CLUL1: variants seen among roughly 807,000 people sequenced by gnomAD.
CLUL1 encodes the protein clusterin like 1.
CLUL1 carries 43 observed loss-of-function variants against 49.4 expected under a neutral mutation model. The observed-to-expected ratio is 0.87, with a 90% CI of 0.68 to 1.12. The LOEUF (loss-of-function observed/expected upper bound fraction) is 1.12, where lower values mean the gene tolerates loss of function less well. CLUL1 is among the 50% of genes most tolerant of loss of function. The pLI, the probability that CLUL1 is intolerant of heterozygous loss-of-function variation, is 0.00. For missense variants in CLUL1, 486 were observed against 544.4 expected (o/e 0.89, Z 1.07); for synonymous variants, 192 against 184.9 (o/e 1.04, Z -0.31).
In CLUL1 at chr18:606,803, C is replaced by T. The variant is rs960968292; in HGVS notation, c.-135-175C>T. Among the ~76,000 whole-genome samples, 1 of 152,096 alleles carries T rather than the reference C, an allele frequency of 6.6e-6. No homozygotes were observed. The highest frequency in any genetic ancestry group is 6.5e-5 in the Admixed American group (1 of 15,276). On this transcript the variant is annotated intron_variant, in intron 1 of 9. Coordinates refer to ENST00000692774, the MANE Select transcript of CLUL1 (RefSeq NM_001393344.1). The surrounding 1 kb of genome is among the most constrained non-coding windows in gnomAD (Gnocchi z 4.1). ...AAATAAACGTGAGATATGATTCTCC[C>T]GGAGTGTTTAGAGCAGGAATGTTCT...
intron 7 of CLUL1, among the ~76,000 whole-genome samples, chr18:637,200 A>G (rs2074168855): frequency 6.6e-6 from 1 of 151,108 alleles, no homozygotes; most frequent in African/African-American, 2.4e-5. Context: ...GTTAGCCAGG[A>G]TGGTCTCGAT....
At chr18:610,735 C>A (rs565741922) in intron 2 of CLUL1, among the ~76,000 whole-genome samples, 1 of 152,198 alleles carries the variant, frequency 6.6e-6, no homozygotes, top group African/African-American at 2.4e-5. Context: ...CAGCAAATAC[C>A]GTAACAGAGA....
chr18:647,846 T>C (rs12964837), intron 9 of CLUL1, among the ~76,000 whole-genome samples: 38,813 of 152,070 alleles, frequency 0.26, 5,134 homozygotes, highest in East Asian at 0.42. Flanking sequence ...CTCTTGTAAG[T>C]TGACATTTAC....
In CLUL1 at chr18:606,142, C is replaced by G. The variant is rs939287552; in HGVS notation, c.-135-836C>G. 2.0e-5 allele frequency among the ~76,000 whole-genome samples: 3 copies of G among 152,166 alleles called. No individual in the cohort carries two copies. Among genetic ancestry groups the G allele is most frequent in the African/African-American group, 7.2e-5 (3 of 41,430 alleles). ...GGTGGCAGGAAGAACACCCCTCCCC[C>G]AGATGGTATTTAGCGCCTCTGGCTG... On this transcript the variant is annotated intron_variant, in intron 1 of 9. Transcript: ENST00000692774. This position sits in a 1 kb window ranked among gnomAD's most constrained non-coding sequence, Gnocchi z 4.1.
chr18:628,683 C>A (rs1003817029), intron 6 of CLUL1, among the ~76,000 whole-genome samples: 1 of 145,830 alleles, frequency 6.9e-6, no homozygotes, highest in African/African-American at 2.6e-5. Flanking sequence ...GTTGTCCAGG[C>A]TGTATTGGTG....
intron 9 of CLUL1, among the ~76,000 whole-genome samples, chr18:647,180 C>CAAGA (rs2074532141): frequency 6.6e-6 from 1 of 151,470 alleles, no homozygotes; most frequent in Non-Finnish European, 1.5e-5. Flanking sequence ...GCAAATACGG[C>CAAGA]AAGAAAGAGT....
chr18:613,172 C>A, intron 2 of CLUL1: 2 of 453,212 alleles, frequency 4.4e-6, no homozygotes, highest in South Asian at 9.8e-5. Flanking sequence ...GAGTCTTGCT[C>A]TCGTTGCCCA....
At position 606,898 on chromosome 18, in the gene CLUL1, T is replaced by G; in HGVS notation, c.-135-80T>G. On this transcript the variant is annotated intron_variant, in intron 1 of 9. Coordinates refer to ENST00000692774, the MANE Select transcript of CLUL1 (RefSeq NM_001393344.1). This position sits in a 1 kb window ranked among gnomAD's most constrained non-coding sequence, Gnocchi z 4.1. ...CAGTTCACCCTCAGTGCTCACTACT[T>G]TGCAGTGTTCATAGAATATTTGTAA... 1.8e-6 allele frequency: 1 copy of G among 567,656 alleles called. No individual in the cohort carries two copies. Among genetic ancestry groups the G allele is most frequent in the Non-Finnish European group, 3.1e-6 (1 of 319,634 alleles). 35.2% of individuals were successfully genotyped at this position (567,656 alleles called of 1,614,324 possible).
intron 1 of CLUL1, among the ~76,000 whole-genome samples, chr18:601,365 G>A (rs924327596): frequency 1.8e-4 from 28 of 152,086 alleles, no homozygotes; most frequent in African/African-American, 6.0e-4. Context: ...TATACTGGCC[G>A]GGCGCGGTGG....
chr18:642,587 C>T (rs750030926), intron 8 of CLUL1, among the ~76,000 whole-genome samples: 4 of 152,154 alleles, frequency 2.6e-5, no homozygotes, highest in East Asian at 1.9e-4. Context: ...TCTACAAATG[C>T]GCCAGGCTAG....
intron 6 of CLUL1, among the ~76,000 whole-genome samples, chr18:631,862 C>T (rs1382180583): frequency 6.6e-6 from 1 of 152,056 alleles, no homozygotes; most frequent in Non-Finnish European, 1.5e-5. Context: ...CTACATAAAG[C>T]AGGAATTAAT....
chr18:601,146 T>G (rs995585777), intron 1 of CLUL1, among the ~76,000 whole-genome samples: 3 of 152,210 alleles, frequency 2.0e-5, no homozygotes, highest in Non-Finnish European at 4.4e-5. Flanking sequence ...GGAGGTGATA[T>G]TGTTCAACTG....
intron 1 of CLUL1, among the ~76,000 whole-genome samples, chr18:600,390 G>T (rs539704234): frequency 1.6e-4 from 25 of 152,314 alleles, no homozygotes; most frequent in Non-Finnish European, 3.5e-4. Flanking sequence ...TGAGGATAAG[G>T]ACTTACTGCA....
chr18:611,889 T>C (rs114279573), intron 2 of CLUL1, among the ~76,000 whole-genome samples: 2,769 of 152,254 alleles, frequency 0.018, 95 homozygotes, highest in African/African-American at 0.063. Flanking sequence ...AGCAAAGGCC[T>C]GTGCCAGCCA....
At chr18:626,943 GAA>G (rs2073784408) in intron 5 of CLUL1, among the ~76,000 whole-genome samples, 152 bp from the exon 6 acceptor site, 1 of 1,334 alleles carries the variant, frequency 7.5e-4, no homozygotes, top group Admixed American at 0.025. Flanking sequence ...AAGAAGGAAA[GAA>G]GGAAGGAAGG....
intron 7 of CLUL1, among the ~76,000 whole-genome samples, chr18:640,767 C>A (rs544432431): frequency 1.3e-5 from 2 of 152,018 alleles, no homozygotes; most frequent in Admixed American, 1.3e-4. Context: ...TTACTTTGTT[C>A]TAATACTAAG....
At position 627,118 on chromosome 18, in the gene CLUL1, A is replaced by G. The variant is rs372989815; in HGVS notation, c.445A>G (p.Ile149Val). 1 of 1,611,478 alleles carries G rather than the reference A, an allele frequency of 6.2e-7. No individual in the cohort carries two copies. The highest frequency in any genetic ancestry group is 1.7e-5 in the Admixed American group (1 of 59,878). ...KNKIERFFRK[I>V]YQFLFPFHED... ...ACAGATTGAACGGTTTTTCAGGAAG[A>G]TATATCAATTTCTATTTCCTTTCCA... Residue 149 changes from isoleucine to valine, a missense_variant, in exon 6 of 10, where the codon ATA becomes GTA. Coordinates refer to ENST00000692774, the MANE Select transcript of CLUL1 (RefSeq NM_001393344.1).
chr18:621,320 C>T (rs1259193588), intron 4 of CLUL1, among the ~76,000 whole-genome samples: 3 of 152,128 alleles, frequency 2.0e-5, no homozygotes, highest in African/African-American at 4.8e-5. Context: ...TCTGGGAGTC[C>T]GTTAAGCAAC....
At chr18:644,116 A>G (rs2074409465) in intron 8 of CLUL1, among the ~76,000 whole-genome samples, 1 of 152,232 alleles carries the variant, frequency 6.6e-6, no homozygotes, top group African/African-American at 2.4e-5. Flanking sequence ...CTGGTTGTAT[A>G]ATAGTTACAT....
Sources: allele counts gnomAD v4.1 joint callset (sites outside exome capture counted in the v4.1 genomes callset), GRCh38; gene constraint gnomAD v4.1.1; non-coding constraint Gnocchi (gnomAD v3.1); transcripts MANE v1.5; gene names NCBI Gene and HGNC (gene_info 2026-07-23, HGNC 2026-07-21).